ODAD1: variants seen among roughly 807,000 people sequenced by gnomAD.
The protein encoded by ODAD1 is outer dynein arm-docking complex subunit 1.
Under a neutral mutation model 67.2 loss-of-function variants are expected in ODAD1, and 49 were observed. The observed-to-expected ratio is 0.73, with a 90% confidence interval of 0.58 to 0.92. The LOEUF (loss-of-function observed/expected upper bound fraction) is 0.92. ODAD1 is among the 40% of genes least tolerant of loss of function. ODAD1 has a pLI of 0.00. For missense variants in ODAD1, 897 were observed against 953.7 expected (o/e 0.94, Z 0.78); for synonymous variants, 345 against 393.7 (o/e 0.88, Z 1.46).
At chr19:48,314,202 G>A (rs932662773) in intron 5 of ODAD1, among the ~76,000 whole-genome samples, 2 of 152,130 alleles carry the variant, frequency 1.3e-5, no homozygotes, top group African/African-American at 4.8e-5. Flanking sequence ...GAGAGATTGG[G>A]TGACATGTCT....
rs143219618 is a variant in ODAD1 at position 48,297,208 on chromosome 19, G to C, written c.1892C>G (p.Ser631Trp). The C allele has an allele frequency of 3.1e-6, 5 of 1,613,986 alleles. No homozygotes were observed. The highest frequency in any genetic ancestry group is 4.2e-6 in the Non-Finnish European group (5 of 1,180,010). Residue 631 changes from serine to tryptophan, a missense_variant, in exon 16 of 16, where the codon TCG (serine) becomes TGG (tryptophan). Transcript: ENST00000674294. ...TCTGAAGGTCACGTGGCCCCCACTC[G>C]AGGCACTGGTGGAGCCGAAGGTCAC... ...GHVTFGSTSA[S>W]SGGHVTFRPV...
rs1054945036 is a variant in ODAD1 at position 48,320,290 on chromosome 19, A to G, written c.70+9T>C. 7.5e-5 allele frequency: 96 copies of G among 1,276,442 alleles called. No homozygotes were observed. Among genetic ancestry groups the G allele is most frequent in the Non-Finnish European group, 9.6e-5 (94 of 977,368 alleles). 79.1% of individuals were successfully genotyped at this position (1,276,442 alleles called of 1,614,324 possible). A position where few individuals can be genotyped will look rare whatever the true frequency, so the allele number is the denominator to read the frequency against. Reference sequence around the variant, plus strand: ...AATGGGTGAATGATATAAAGAATGAATGAATTACCCATTCCCTCCAGAAAT... The same window carrying G: ...AATGGGTGAATGATATAAAGAATGAGTGAATTACCCATTCCCTCCAGAAAT... On this transcript the variant is annotated intron_variant, in intron 3 of 15. Transcript: ENST00000674294.
In ODAD1 at chr19:48,297,503, G is replaced by A. The variant is rs764664376; in HGVS notation, c.1597C>T (p.Gln533Ter). 3 of 1,603,924 alleles carry A rather than the reference G, an allele frequency of 1.9e-6. No homozygotes were observed. In the Admixed American group the frequency reaches 5.1e-5, roughly 27 times the overall value. ...QVEKLVELQE[Q>*]AEAQRQKDLA... ...TCCTTCTGGCGCTGCGCCTCCGCCT[G>A]CTCCTGGAGCTCCACCTGCAGGGAA... The change falls in exon 16 of 16, where the codon CAG (glutamine) becomes TAG (stop). Residue 533 changes from glutamine (Q) to a stop codon, truncating the protein, a stop_gained. Coordinates refer to ENST00000674294, the MANE Select transcript of ODAD1 (RefSeq NM_001364171.2). LOFTEE classifies it low-confidence loss of function (END_TRUNC).
At chr19:48,317,681 A>ATTTT (rs534720024) in intron 5 of ODAD1, among the ~76,000 whole-genome samples, 2 of 144,280 alleles carry the variant, frequency 1.4e-5, no homozygotes, top group Non-Finnish European at 1.5e-5. Context: ...AATAGCCCCG[A>ATTTT]TTTTTTTTTT....
At chr19:48,297,865 C>A in intron 14 of ODAD1, 135 bp downstream of exon 14, 1 of 850,076 alleles carries the variant, frequency 1.2e-6, no homozygotes, top group Non-Finnish European at 1.8e-6. Context: ...GAAGCACATA[C>A]TTCATATTCT....
chr19:48,315,659 T>C (rs770162768), intron 5 of ODAD1, among the ~76,000 whole-genome samples: 1 of 152,198 alleles, frequency 6.6e-6, no homozygotes, highest in Non-Finnish European at 1.5e-5. Context: ...ATCCTCTTCC[T>C]GCAGTCGAGT....
chr19:48,298,095 GCT>G lies in ODAD1; in HGVS notation c.1405_1406del (p.Ser469LeufsTer30). The G allele has an allele frequency of 6.2e-7, 1 of 1,613,322 alleles. No individual in the cohort carries two copies. The highest frequency in any genetic ancestry group is 8.5e-7 in the Non-Finnish European group (1 of 1,179,786). On this transcript the variant is annotated frameshift_variant and splice_region_variant, in exon 14 of 16. Coordinates refer to ENST00000674294, the MANE Select transcript of ODAD1 (RefSeq NM_001364171.2). LOFTEE classifies it high-confidence loss of function. ...GGGCAGCGTCGGCCAGGGAGGTGAA[GCT>G]CTGGAGAGTGTGGGAGCCTGCGGTC... is the stretch of plus-strand genomic sequence containing the variant. The part of the protein sequence containing the change: ...LTVQAFLHAQ[S>X]FTSLADAALL...
chr19:48,312,620 T>C, intron 5 of ODAD1, among the ~76,000 whole-genome samples: 1 of 152,030 alleles, frequency 6.6e-6, no homozygotes, highest in East Asian at 1.9e-4. Flanking sequence ...TTTCACCATG[T>C]TGGCCAGGCT....
In ODAD1 at chr19:48,318,563, G is replaced by A. The variant is rs372858425; in HGVS notation, c.184C>T (p.Arg62Cys). Residue 62 changes from arginine (R) to cysteine (C), a missense_variant, in exon 5 of 16, where the codon CGC becomes TGC. By Grantham distance (180) the Arg-to-Cys change is radical. Transcript: ENST00000674294. Reference protein sequence around the residue: ...RINKQLEEIRRLEEVRGDLQV... With the variant: ...RINKQLEEIRCLEEVRGDLQV... ...AGATCGCCCCGTACCTCCTCCAAGC[G>A]CCGGATCTCCTCACTACCCAGGCAG... 5.8e-6 allele frequency: 9 copies of A among 1,551,092 alleles called. No individual in the cohort carries two copies. The highest frequency in any genetic ancestry group is 1.7e-4 in the Middle Eastern group (1 of 6,012).
Position 48,298,283 on chromosome 19 carries a change from A to G in ODAD1, c.1298T>C (p.Leu433Pro), listed in dbSNP as rs1968363746. ...GTCTCCCATGCTGGTCTTGACCCCA[A>G]GGAGGTCATCGATCATGCTGCTGTC... ...HCDSSMIDDL[L>P]GVKTSMGDRD... The change falls in exon 13 of 16, where the codon CTT (leucine) becomes CCT (proline). Residue 433 changes from leucine (L) to proline (P), a missense_variant. By Grantham distance (98) the Leu-to-Pro change is moderately conservative (BLOSUM62 -3). Coordinates refer to ENST00000674294, the MANE Select transcript of ODAD1 (RefSeq NM_001364171.2). 6.2e-7 allele frequency: 1 copy of G among 1,614,144 alleles called. No individual in the cohort carries two copies. The highest frequency in any genetic ancestry group is 8.5e-7 in the Non-Finnish European group (1 of 1,179,982).
At position 48,299,756 on chromosome 19, in the gene ODAD1, G is replaced by A. The variant is rs150520806; in HGVS notation, c.1241-1416C>T. 1.4e-4 allele frequency among the ~76,000 whole-genome samples: 22 copies of A among 152,098 alleles called. No individual in the cohort carries two copies. The East Asian group carries it at 2.5e-3, about 17-fold the overall frequency. On this transcript the variant is annotated intron_variant, in intron 12 of 15. Transcript: ENST00000674294. ...GGGGAGATTGCAGTGAGCCGAGATC[G>A]TGCCACTGCACTCCAACCTGGGGAA...
At position 48,303,764 on chromosome 19, in the gene ODAD1, C is replaced by A. The variant is rs571330368; in HGVS notation, c.874G>T (p.Val292Phe). The change falls in exon 10 of 16, where the codon GTC (valine) becomes TTC (phenylalanine). Residue 292 changes from valine to phenylalanine, a missense_variant. Coordinates refer to ENST00000674294, the MANE Select transcript of ODAD1 (RefSeq NM_001364171.2). ...EKQAGEVAEG[V>F]WKTSQERLVL... ...AGCCTCTCCTGGGAGGTCTTCCAGA[C>A]GCCCTCGGCCACCTCCCCGGCTAGG... 1.2e-6 allele frequency: 2 copies of A among 1,611,210 alleles called. No homozygotes were observed. The highest frequency in any genetic ancestry group is 2.7e-5 in the African/African-American group (2 of 74,914).
intron 5 of ODAD1, among the ~76,000 whole-genome samples, chr19:48,315,271 A>G (rs1210956427): frequency 6.6e-6 from 1 of 152,046 alleles, no homozygotes; most frequent in Non-Finnish European, 1.5e-5. Context: ...TGGGATGGGC[A>G]CGGTGGCTCA....
chr19:48,321,783 C>A lies in ODAD1; in HGVS notation c.-169G>T, dbSNP rs2147340510. 2.5e-6 allele frequency: 1 copy of A among 398,642 alleles called. No homozygotes were observed. The highest frequency in any genetic ancestry group is 4.4e-6 in the Non-Finnish European group (1 of 226,058). 24.7% of individuals were successfully genotyped at this position (398,642 alleles called of 1,614,324 possible). A position where few individuals can be genotyped will look rare whatever the true frequency, so the allele number is the denominator to read the frequency against. On this transcript the variant is annotated 5_prime_UTR_variant, in exon 1 of 16. Coordinates refer to ENST00000674294, the MANE Select transcript of ODAD1 (RefSeq NM_001364171.2). ...AAGACGGAGCCCGAGAGGTGCCGGT[C>A]TTAAGCTGACTGTGACCACGTTAAA...
rs1437344253 is a variant in ODAD1, at chr19:48,297,619, C to T, written c.1552G>A (p.Glu518Lys). ...TTCTCCACTTGGCTCAGCAGCTCCT[C>T]CCTGCTCATGGGGTAGTCATCGCTG... is the stretch of plus-strand genomic sequence containing the variant. ...EASDDYPMSR[E>K]ELLSQVEKLV... The change falls in exon 15 of 16, where the codon GAG becomes AAG. Residue 518 changes from glutamate (E) to lysine (K), a missense_variant. Glu to Lys is a moderately conservative substitution (Grantham distance 56). Transcript: ENST00000674294. 3 of 1,535,062 alleles carry T rather than the reference C, an allele frequency of 2.0e-6. No individual in the cohort carries two copies. Among genetic ancestry groups the T allele is most frequent in the Admixed American group, 2.2e-5 (1 of 46,162 alleles).
intron 7 of ODAD1, among the ~76,000 whole-genome samples, chr19:48,309,870 A>T (rs1968711788): frequency 6.6e-6 from 1 of 152,198 alleles, no homozygotes; most frequent in Non-Finnish European, 1.5e-5. Context: ...GATCTTGCAC[A>T]GGAAGGACAC....
intron 14 of ODAD1, 35 bp from the exon 15 acceptor site, chr19:48,297,703 C>T (rs1168612325): frequency 6.9e-7 from 1 of 1,442,042 alleles, no homozygotes; most frequent in Middle Eastern, 1.8e-4. Context: ...AAAGACTAGA[C>T]CTCAGCCCTC....
At chr19:48,313,446 A>C (rs1017810118) in intron 5 of ODAD1, among the ~76,000 whole-genome samples, 12 of 80,472 alleles carry the variant, frequency 1.5e-4, no homozygotes, top group African/African-American at 2.9e-4. Flanking sequence ...AAAAAAAAAA[A>C]CCAAAAAAAA....
intron 8 of ODAD1, among the ~76,000 whole-genome samples, chr19:48,304,345 G>T (rs752659583): frequency 6.6e-6 from 1 of 152,194 alleles, no homozygotes; most frequent in Non-Finnish European, 1.5e-5. Context: ...CAGAGAACTG[G>T]CTGGGCACGG....
Sources: allele counts gnomAD v4.1 joint callset (sites outside exome capture counted in the v4.1 genomes callset), GRCh38; gene constraint gnomAD v4.1.1; transcripts MANE v1.5; gene names NCBI Gene and HGNC (gene_info 2026-07-23, HGNC 2026-07-21).